Variants in CATSPERB observed in about 807,000 individuals in gnomAD.
CATSPERB encodes cation channel sperm-associated auxiliary subunit beta.
In CATSPERB, 93 loss-of-function variants were observed where a neutral mutation model predicts 128.3. That is an observed-to-expected ratio of 0.72 (90% confidence interval 0.61 to 0.86). The LOEUF (loss-of-function observed/expected upper bound fraction) is 0.86, where lower values mean the gene tolerates loss of function less well. CATSPERB is among the 40% of genes least tolerant of loss of function. The pLI is 0.00. For synonymous variants in CATSPERB, 381 were observed against 448.8 expected, an observed-to-expected ratio of 0.85 and a Z score of 1.91; for missense variants, 1,153 against 1,329.5, an observed-to-expected ratio of 0.87 and a Z score of 2.06.
chr14:91,590,853 G>A (rs1033708109), intron 23 of CATSPERB, among the ~76,000 whole-genome samples: 2 of 151,348 alleles, frequency 1.3e-5, no homozygotes, highest in Admixed American at 6.6e-5. Flanking sequence ...GGGTTTCACC[G>A]TGTTAGCCAG....
chr14:91,661,838 T>C (rs886181483), intron 14 of CATSPERB, among the ~76,000 whole-genome samples: 3 of 152,060 alleles, frequency 2.0e-5, no homozygotes, highest in African/African-American at 7.2e-5. Context: ...TTCTACAACT[T>C]TAATAGAGAC....
Position 91,590,618 on chromosome 14 carries a change from C to A in CATSPERB, c.2821-949G>T, listed in dbSNP as rs187226082. ...TATTGTGTATATACATATATAATAT[C>A]ATATATAGTCTCTAGATGTCTTTTT... On this transcript the variant is annotated intron_variant, in intron 23 of 26. Transcript: ENST00000256343. Among the ~76,000 whole-genome samples, 37 of 151,996 alleles carry A rather than the reference C, an allele frequency of 2.4e-4. 1 individual carries two copies. The highest frequency in any genetic ancestry group is 2.4e-3 in the Admixed American group (36 of 15,278).
chr14:91,616,472 TA>T (rs561919362), intron 20 of CATSPERB, among the ~76,000 whole-genome samples: 3 of 151,114 alleles, frequency 2.0e-5, no homozygotes, highest in Admixed American at 6.6e-5. Flanking sequence ...TGTCCACTGC[TA>T]AAAAAAAATG....
intron 6 of CATSPERB, among the ~76,000 whole-genome samples, chr14:91,707,870 G>A (rs377307810): frequency 1.3e-5 from 2 of 151,164 alleles, no homozygotes; most frequent in South Asian, 4.2e-4. Context: ...GCCTCCCAAA[G>A]TGCTGAGATT....
At chr14:91,614,389 G>T (rs1347040723) in intron 20 of CATSPERB, among the ~76,000 whole-genome samples, 1 of 152,168 alleles carries the variant, frequency 6.6e-6, no homozygotes, top group Non-Finnish European at 1.5e-5. Flanking sequence ...ATGGCTAGGT[G>T]CAGTGACTCA....
Position 91,587,245 on chromosome 14 carries a change from A to G in CATSPERB, c.3089T>C (p.Val1030Ala). ...GTTACAAAAAGTTACTCCTGAAATG[A>G]CGGTCACTCTAAAGTGGAAAAGTTC... is the stretch of plus-strand genomic sequence containing the variant. ...GSELFHFRVT[V>A]ISGVTFCNLI... Residue 1030 changes from valine (V) to alanine (A), a missense_variant, in exon 26 of 27, where the codon GTC (valine) becomes GCC (alanine). Transcript: ENST00000256343. The G allele has an allele frequency of 6.2e-7, 1 of 1,606,590 alleles. No individual in the cohort carries two copies. Among genetic ancestry groups the G allele is most frequent in the Non-Finnish European group, 8.5e-7 (1 of 1,177,176 alleles).
Position 91,702,679 on chromosome 14 carries a change from C to CACACAT in CATSPERB, c.616+1872_616+1873insATGTGT, listed in dbSNP as rs781392147. On this transcript the variant is annotated intron_variant, in intron 7 of 26. Coordinates refer to ENST00000256343, the MANE Select transcript of CATSPERB (RefSeq NM_024764.4). ...CCTCCCTGACACAAAAAAGAAAACA[C>CACACAT]ACACACACACACACACACACACACA... Among the ~76,000 whole-genome samples, 297 of 108,686 alleles carry CACACAT rather than the reference C, an allele frequency of 2.7e-3. 1 individual carries two copies. Among genetic ancestry groups the CACACAT allele is most frequent in the African/African-American group, 7.3e-3 (273 of 37,416 alleles). 71.3% of individuals were successfully genotyped at this position (108,686 alleles called of 152,430 possible).
At chr14:91,679,864 A>G (rs1895250387) in intron 11 of CATSPERB, among the ~76,000 whole-genome samples, 1 of 152,180 alleles carries the variant, frequency 6.6e-6, no homozygotes, top group Non-Finnish European at 1.5e-5. Context: ...CAGCCTCTTG[A>G]AAATGTCCTT....
intron 22 of CATSPERB, among the ~76,000 whole-genome samples, chr14:91,607,236 A>G (rs1893728012): frequency 6.6e-6 from 1 of 152,190 alleles, no homozygotes; most frequent in South Asian, 2.1e-4. Context: ...TGGGGTCAGA[A>G]AGACAAGAAA....
intron 20 of CATSPERB, among the ~76,000 whole-genome samples, chr14:91,615,237 T>G (rs1893913521): frequency 6.6e-6 from 1 of 152,178 alleles, no homozygotes; most frequent in African/African-American, 2.4e-5. Flanking sequence ...GCGGCAGCAT[T>G]AGATTCTCAT....
In CATSPERB at chr14:91,693,167, CA is replaced by C; in HGVS notation, c.789del (p.Phe263LeufsTer2). The C allele has an allele frequency of 1.2e-6, 2 of 1,613,714 alleles. No homozygotes were observed. The highest frequency in any genetic ancestry group is 1.1e-5 in the South Asian group (1 of 91,050). Reference protein sequence around the residue: ...FLVILTSLGLFVSEDLRYPSR... With the variant: ...FLVILTSLGLXVSEDLRYPSR... ...GATGGATAACGAAGATCTTCACTTA[CA>C]AAAAGGCCCAAAGAGGTGAGGATAA... On this transcript the variant is annotated frameshift_variant, in exon 9 of 27. Transcript: ENST00000256343. LOFTEE classifies it high-confidence loss of function.
chr14:91,671,759 C>T (rs945229881), intron 13 of CATSPERB, among the ~76,000 whole-genome samples: 7 of 151,960 alleles, frequency 4.6e-5, no homozygotes, highest in African/African-American at 9.7e-5. Flanking sequence ...CGTCCAGGCT[C>T]GGTGGCTCAC....
At chr14:91,648,247 A>T (rs1894641061) in intron 15 of CATSPERB, among the ~76,000 whole-genome samples, 1 of 152,194 alleles carries the variant, frequency 6.6e-6, no homozygotes, top group Non-Finnish European at 1.5e-5. Context: ...TCCCCATATG[A>T]TCTTTCTAAA....
At chr14:91,665,081 C>G (rs1257287154) in intron 14 of CATSPERB, among the ~76,000 whole-genome samples, 1 of 152,022 alleles carries the variant, frequency 6.6e-6, no homozygotes, top group South Asian at 2.1e-4. Context: ...TTGGTGGAGA[C>G]AGGGTTTTGG....
intron 22 of CATSPERB, chr14:91,603,092 C>T (rs1343940845): frequency 2.5e-6 from 2 of 786,486 alleles, no homozygotes; most frequent in African/African-American, 3.4e-5. Flanking sequence ...ACATTTATTT[C>T]TTGGCATCAT....
intron 15 of CATSPERB, among the ~76,000 whole-genome samples, chr14:91,652,076 G>T (rs1001207287): frequency 2.0e-5 from 3 of 152,002 alleles, no homozygotes; most frequent in Admixed American, 6.6e-5. Context: ...ACCATAAAAG[G>T]AAAGATTGGT....
Position 91,660,873 on chromosome 14 carries a change from T to G in CATSPERB, c.1288-892A>C, listed in dbSNP as rs888468672. 2.6e-5 allele frequency among the ~76,000 whole-genome samples: 4 copies of G among 152,220 alleles called. No individual in the cohort carries two copies. In the East Asian group the frequency reaches 7.7e-4, roughly 29 times the overall value. On this transcript the variant is annotated intron_variant, in intron 14 of 26. Transcript: ENST00000256343. ...TTCGAAGCATTTACATTCATATGTATGCAGATACCAATAGAATATGTACAG... is the reference window on the plus strand; with the variant it reads ...TTCGAAGCATTTACATTCATATGTAGGCAGATACCAATAGAATATGTACAG...
At chr14:91,674,432 C>T (rs1208901073) in intron 11 of CATSPERB, among the ~76,000 whole-genome samples, 1 of 152,024 alleles carries the variant, frequency 6.6e-6, no homozygotes, top group Non-Finnish European at 1.5e-5. Context: ...TTCAAGTGTA[C>T]CTATTGTCTC....
At position 91,673,027 on chromosome 14, in the gene CATSPERB, A is replaced by T. The variant is rs376647365; in HGVS notation, c.979-11T>A. 6.4e-6 allele frequency: 10 copies of T among 1,563,500 alleles called. No individual in the cohort carries two copies. In the African/African-American group the frequency reaches 1.4e-4, roughly 22 times the overall value. On this transcript the variant is annotated splice_polypyrimidine_tract_variant and intron_variant, in intron 12 of 26. Coordinates refer to ENST00000256343, the MANE Select transcript of CATSPERB (RefSeq NM_024764.4). ...AAAACAAGAGCTTGACTATAAAAAA[A>T]AGAAGGGAAAAATTAATGCTGTTTT...
Sources: allele counts gnomAD v4.1 joint callset (sites outside exome capture counted in the v4.1 genomes callset), GRCh38; gene constraint gnomAD v4.1.1; transcripts MANE v1.5; gene names NCBI Gene and HGNC (gene_info 2026-07-23, HGNC 2026-07-21).